The following CD226 variants were observed in gnomAD, a reference collection of about 807,000 sequenced individuals.
CD226 encodes the protein CD226 antigen.
A neutral mutation model predicts 34.9 loss-of-function variants in CD226; 24 were observed. That is an observed-to-expected ratio of 0.69 (90% CI 0.50 to 0.97). CD226 has a LOEUF of 0.97. Ranked by LOEUF, CD226 falls within the 50% of genes least tolerant of loss-of-function variation. The probability of loss-of-function intolerance (pLI) is 0.00; values close to 1 mark genes in which losing one functional copy is unlikely to be tolerated. For missense variants in CD226, 397 were observed against 412.7 expected, an observed-to-expected ratio of 0.96 and a Z score of 0.33; for synonymous variants, 148 against 147.4, an observed-to-expected ratio of 1.00 and a Z score of -0.03.
chr18:69,955,608 C>T (rs960787851), intron 1 of CD226, among the ~76,000 whole-genome samples: 21 of 152,056 alleles, frequency 1.4e-4, no homozygotes, highest in African/African-American at 5.1e-4. Context: ...TGGCTCACGC[C>T]TGTAATCCCA....
intron 2 of CD226, among the ~76,000 whole-genome samples, chr18:69,901,878 CA>C (rs372625212): frequency 0.053 from 5,852 of 109,418 alleles, 298 homozygotes; most frequent in African/African-American, 0.16. Flanking sequence ...GACTCTGACT[CA>C]AAAAAAAAAA....
intron 3 of CD226, among the ~76,000 whole-genome samples, chr18:69,888,669 G>A (rs1984707818): frequency 6.6e-6 from 1 of 152,096 alleles, no homozygotes; most frequent in Non-Finnish European, 1.5e-5. Context: ...AATTCAATCA[G>A]AAGATAAAGG....
upstream of CD226, among the ~76,000 whole-genome samples, chr18:69,958,736 T>G (rs975425773): frequency 2.7e-5 from 4 of 149,808 alleles, no homozygotes; most frequent in Non-Finnish European, 4.4e-5. Flanking sequence ...GGCTGGGGGG[T>G]TTTCCCAAAT....
chr18:69,943,973 CTTT>C (rs11350418), intron 2 of CD226, among the ~76,000 whole-genome samples: 11 of 136,916 alleles, frequency 8.0e-5, no homozygotes, highest in Non-Finnish European at 9.4e-5. Flanking sequence ...GATTCCAAGT[CTTT>C]TTTTTTTTTT....
chr18:69,879,946 G>A (rs527899390), intron 3 of CD226, among the ~76,000 whole-genome samples: 9 of 152,296 alleles, frequency 5.9e-5, no homozygotes, highest in South Asian at 2.1e-4. Context: ...GGAATTGTAC[G>A]TGAGATGGCA....
chr18:69,949,139 T>C (rs2055825275), upstream of CD226, among the ~76,000 whole-genome samples: 1 of 152,072 alleles, frequency 6.6e-6, no homozygotes, highest in Non-Finnish European at 1.5e-5. Context: ...ATAAAGGAAC[T>C]GAAACGTAGC....
chr18:69,956,165 A>T (rs2055895886), intron 1 of CD226, among the ~76,000 whole-genome samples: 1 of 152,234 alleles, frequency 6.6e-6, no homozygotes, highest in South Asian at 2.1e-4. Flanking sequence ...ACTGATTTCC[A>T]TAAACAGTTT....
rs1334376757 is a variant in CD226 at position 69,863,984 on chromosome 18, G to A, written c.*330C>T. 1 of 179,298 alleles carries A rather than the reference G, an allele frequency of 5.6e-6. No homozygotes were observed. Among genetic ancestry groups the A allele is most frequent in the Admixed American group, 6.0e-5 (1 of 16,650 alleles). 11.1% of individuals were successfully genotyped at this position (179,298 alleles called of 1,614,324 possible). Reference sequence around the variant, plus strand: ...AAATGGATCCAACACTCTGGAAAGGGATTCAGAAGCCAGTTTATGCCCATA... The same window carrying A: ...AAATGGATCCAACACTCTGGAAAGGAATTCAGAAGCCAGTTTATGCCCATA... On this transcript the variant is annotated 3_prime_UTR_variant, in exon 6 of 6. Transcript: ENST00000582621.
At position 69,859,572 on chromosome 18, in the gene CD226, T is replaced by G. The variant is rs978011110; in HGVS notation, c.*4742A>C. 1.2e-4 allele frequency: 14 copies of G among 116,016 alleles called. No individual in the cohort carries two copies. The highest frequency in any genetic ancestry group is 5.8e-4 in the Admixed American group (6 of 10,432). 7.2% of individuals were successfully genotyped at this position (116,016 alleles called of 1,614,324 possible). ...TAAATGAATAATGAATGTCTAAAAT[T>G]GAAAAAAAAAGTATTAGTGTCATAA... On this transcript the variant is annotated 3_prime_UTR_variant, in exon 6 of 6. Coordinates refer to ENST00000582621, the MANE Select transcript of CD226 (RefSeq NM_001303618.2).
intron 3 of CD226, among the ~76,000 whole-genome samples, chr18:69,891,225 G>A (rs1984885541): frequency 6.6e-6 from 1 of 151,562 alleles, no homozygotes; most frequent in African/African-American, 2.4e-5. Context: ...GATATAAAAA[G>A]GCCACATGAT....
At chr18:69,961,419 T>C (rs556099749), upstream of CD226, among the ~76,000 whole-genome samples, 2 of 152,352 alleles carry the variant, frequency 1.3e-5, no homozygotes, top group South Asian at 2.1e-4. Context: ...GAGGCACTTA[T>C]TGACGGCACT....
At chr18:69,893,952 G>A (rs918935272) in intron 3 of CD226, among the ~76,000 whole-genome samples, 29 of 152,168 alleles carry the variant, frequency 1.9e-4, no homozygotes, top group Non-Finnish European at 4.4e-5. Context: ...ATATCAGTTT[G>A]CAATATGAGC....
chr18:69,934,732 A>G (rs1006289204), intron 2 of CD226, among the ~76,000 whole-genome samples: 21 of 152,132 alleles, frequency 1.4e-4, no homozygotes, highest in African/African-American at 5.1e-4. Flanking sequence ...TCACATTAAG[A>G]GTTATTGGAT....
At chr18:69,899,786 T>C (rs1985498405) in intron 2 of CD226, among the ~76,000 whole-genome samples, 2 of 152,230 alleles carry the variant, frequency 1.3e-5, no homozygotes, top group South Asian at 4.1e-4. Flanking sequence ...TTACAGATGC[T>C]GGTGAGGTTG....
At chr18:69,872,112 AAGGAG>A (rs1252865917) in intron 4 of CD226, among the ~76,000 whole-genome samples, 1 of 149,772 alleles carries the variant, frequency 6.7e-6, no homozygotes, top group African/African-American at 2.5e-5. Context: ...AACATTACTG[AAGGAG>A]AGGAGTGCAG....
chr18:69,936,910 TCTTAAC>T (rs2145345788), intron 2 of CD226, among the ~76,000 whole-genome samples: 2 of 152,354 alleles, frequency 1.3e-5, no homozygotes, highest in African/African-American at 4.8e-5. Context: ...TCTGTGGCCT[TCTTAAC>T]CTTGTTTGAA....
intron 2 of CD226, among the ~76,000 whole-genome samples, chr18:69,936,164 T>C (rs2055650651): frequency 6.6e-6 from 1 of 152,206 alleles, no homozygotes; most frequent in Admixed American, 6.5e-5. Flanking sequence ...AGCCATTCGA[T>C]TATTGAATTC....
chr18:69,931,426 GA>G (rs541817408), intron 2 of CD226, among the ~76,000 whole-genome samples: 4 of 151,072 alleles, frequency 2.6e-5, no homozygotes, highest in African/African-American at 9.7e-5. Context: ...ATGACAGGAA[GA>G]AAAAAAACTG....
intron 3 of CD226, among the ~76,000 whole-genome samples, chr18:69,890,399 A>G (rs949655476): frequency 1.3e-5 from 2 of 152,086 alleles, no homozygotes; most frequent in African/African-American, 4.8e-5. Context: ...ACCATCCTTG[A>G]AACCCCATCT....
Sources: allele counts gnomAD v4.1 joint callset (sites outside exome capture counted in the v4.1 genomes callset), GRCh38; gene constraint gnomAD v4.1.1; transcripts MANE v1.5; gene names NCBI Gene and HGNC (gene_info 2026-07-23, HGNC 2026-07-21).